The following GRIN2D variants were observed in gnomAD, a reference collection of about 807,000 sequenced individuals.
GRIN2D encodes the protein glutamate ionotropic receptor NMDA type subunit 2D, also known as glutamate receptor ionotropic, NMDA 2D.
Under a neutral mutation model 103.2 loss-of-function variants are expected in GRIN2D, and 37 were observed. The observed-to-expected ratio is 0.36, with a 90% CI of 0.28 to 0.47. The LOEUF (loss-of-function observed/expected upper bound fraction) is 0.47. GRIN2D is among the 20% of genes least tolerant of loss of function. The pLI is 1.00. For missense variants in GRIN2D, 1,557 were observed against 1,910.6 expected, an observed-to-expected ratio of 0.81 and a Z score of 3.45; for synonymous variants, 845 against 885.6, an observed-to-expected ratio of 0.95 and a Z score of 0.81.
In GRIN2D at chr19:48,421,156, C is replaced by G. The variant is rs528448259; in HGVS notation, c.2092-629C>G. ...AAAACTTGTTTTAGTTGTCTGGGCG[C>G]GGTGGCTTATGCCTGTAATCCCAGC... On this transcript the variant is annotated intron_variant, in intron 10 of 13. Coordinates refer to ENST00000263269, the MANE Select transcript of GRIN2D (RefSeq NM_000836.4). The surrounding 1 kb of genome is among the most constrained non-coding windows in gnomAD (Gnocchi z 4.8). 6.6e-6 allele frequency among the ~76,000 whole-genome samples: 1 copy of G among 152,128 alleles called. No individual in the cohort carries two copies. Among genetic ancestry groups the G allele is most frequent in the African/African-American group, 2.4e-5 (1 of 41,412 alleles).
chr19:48,402,144 G>GAAAT lies in GRIN2D; in HGVS notation c.466-2587_466-2586insTAAA, dbSNP rs967259904. The stretch of plus-strand genomic sequence containing the variant: ...AGAAAGAAAGAAAGAAAGAAAGAAA[G>GAAAT]AAAGAAAGAAAGAAAGAAAGAAAGA... On this transcript the variant is annotated intron_variant, in intron 3 of 13. Transcript: ENST00000263269. Among the ~76,000 whole-genome samples, 5 of 148,928 alleles carry GAAAT rather than the reference G, an allele frequency of 3.4e-5. No homozygotes were observed. In the East Asian group the frequency reaches 9.8e-4, roughly 29 times the overall value.
chr19:48,414,533 C>T lies in GRIN2D; in HGVS notation c.1361C>T (p.Thr454Ile), dbSNP rs1201484816. Reference sequence around the variant, plus strand: ...GAGCCTGCAGACCCTATCAGCGGCACCTGCATCCGAGACTCCGTCCCCTGC... The same window carrying T: ...GAGCCTGCAGACCCTATCAGCGGCATCTGCATCCGAGACTCCGTCCCCTGC... ...IVEPADPISGTCIRDSVPCRS... is the reference protein window; with the variant it reads ...IVEPADPISGICIRDSVPCRS... The change falls in exon 6 of 14, where the codon ACC (threonine) becomes ATC (isoleucine). Residue 454 changes from threonine to isoleucine, a missense_variant. By Grantham distance (89) the Thr-to-Ile change is moderately conservative (BLOSUM62 -1). Around this residue, in one of 7 missense-constraint regions of GRIN2D, gnomAD observed 197 missense variants for 334.1 expected, o/e 0.59. Coordinates refer to ENST00000263269, the MANE Select transcript of GRIN2D (RefSeq NM_000836.4). The surrounding 1 kb of genome is among the most constrained non-coding windows in gnomAD (Gnocchi z 4.6). 1 of 1,558,818 alleles carries T rather than the reference C, an allele frequency of 6.4e-7. No individual in the cohort carries two copies. The highest frequency in any genetic ancestry group is 2.4e-5 in the East Asian group (1 of 41,508).
chr19:48,438,191 C>T (rs1971252818), intron 11 of GRIN2D, among the ~76,000 whole-genome samples: 1 of 149,200 alleles, frequency 6.7e-6, no homozygotes, highest in South Asian at 2.2e-4. Flanking sequence ...CATAGGAGGA[C>T]TTAAATCAAC....
chr19:48,412,316 G>A (rs193181354), intron 4 of GRIN2D, among the ~76,000 whole-genome samples: 30 of 148,302 alleles, frequency 2.0e-4, no homozygotes, highest in African/African-American at 5.0e-4. Flanking sequence ...GCGACAGAGC[G>A]AGACTCTGTC....
chr19:48,409,274 CTTTTTTTTTTT>C (rs67673123), intron 4 of GRIN2D, among the ~76,000 whole-genome samples: 6 of 103,724 alleles, frequency 5.8e-5, no homozygotes, highest in African/African-American at 2.1e-4. Flanking sequence ...AATTAAATTT[CTTTTTTTTTTT>C]TTTTTTTTTT....
rs761726968 is a variant in GRIN2D at position 48,415,009 on chromosome 19, G to T, written c.1558G>T (p.Val520Phe). 1.3e-6 allele frequency: 2 copies of T among 1,599,226 alleles called. No individual in the cohort carries two copies. Among genetic ancestry groups the T allele is most frequent in the South Asian group, 1.1e-5 (1 of 90,176 alleles). The part of the protein sequence containing the change: ...NGKHGKKIDG[V>F]WNGMIGEVFY... ...CAAGCACGGAAAGAAGATCGATGGC[G>T]TCTGGAACGGCATGATCGGGGAGGT... Residue 520 changes from valine to phenylalanine, a missense_variant, in exon 7 of 14, where the codon GTC becomes TTC. By Grantham distance (50) the Val-to-Phe change is conservative. Coordinates refer to ENST00000263269, the MANE Select transcript of GRIN2D (RefSeq NM_000836.4).
chr19:48,398,509 T>TGGGCCCGGC lies in GRIN2D; in HGVS notation c.120_128dup (p.Pro41_Gly43dup). 9.9e-7 allele frequency: 1 copy of TGGGCCCGGC among 1,010,612 alleles called. No homozygotes were observed. The highest frequency in any genetic ancestry group is 1.2e-6 in the Non-Finnish European group (1 of 849,052). The allele number at this position is 1,010,612 out of a possible 1,614,324, so 62.6% of individuals were successfully genotyped here. A position where few individuals can be genotyped will look rare whatever the true frequency, so the allele number is the denominator to read the frequency against. ...AGGCGCCGGGGCCGGGCGGGGCCGG[T>TGGGCCCGGC]GGGCCCGGCGGCGGCCTCGGCGGGG... On this transcript the variant is annotated inframe_insertion, in exon 3 of 14. Coordinates refer to ENST00000263269, the MANE Select transcript of GRIN2D (RefSeq NM_000836.4).
At position 48,442,145 on chromosome 19, in the gene GRIN2D, C is replaced by T. The variant is rs762389874; in HGVS notation, c.2441-5C>T. ...AGCAGGTGACTTTTGACCGCCCCTC[C>T]CTAGATGAGATCGAGATGCTGGAGC... On this transcript the variant is annotated splice_region_variant and splice_polypyrimidine_tract_variant and intron_variant, in intron 12 of 13. Coordinates refer to ENST00000263269, the MANE Select transcript of GRIN2D (RefSeq NM_000836.4). This position sits in a 1 kb window ranked among gnomAD's most constrained non-coding sequence, Gnocchi z 7.2. 2.2e-5 allele frequency: 35 copies of T among 1,613,638 alleles called. No homozygotes were observed. The highest frequency in any genetic ancestry group is 3.0e-5 in the Non-Finnish European group (35 of 1,179,720).
At chr19:48,440,464 G>A (rs1398258542) in intron 11 of GRIN2D, among the ~76,000 whole-genome samples, 1 of 151,804 alleles carries the variant, frequency 6.6e-6, no homozygotes, top group Admixed American at 6.6e-5. Flanking sequence ...GTGGTGATGT[G>A]TGCCTTTAGT....
chr19:48,421,758 C>A lies in GRIN2D; in HGVS notation c.2092-27C>A. ...GTTAGGGATGTCCCTGCGGAGGGTGCCCTAATCACTCCCCATTCTGCCCCA... is the reference window on the plus strand; with the variant it reads ...GTTAGGGATGTCCCTGCGGAGGGTGACCTAATCACTCCCCATTCTGCCCCA... On this transcript the variant is annotated intron_variant, in intron 10 of 13. Coordinates refer to ENST00000263269, the MANE Select transcript of GRIN2D (RefSeq NM_000836.4). The surrounding 1 kb of genome is among the most constrained non-coding windows in gnomAD (Gnocchi z 4.8). The A allele has an allele frequency of 6.2e-7, 1 of 1,604,846 alleles. No individual in the cohort carries two copies. Among genetic ancestry groups the A allele is most frequent in the Non-Finnish European group, 8.5e-7 (1 of 1,173,676 alleles).
At chr19:48,437,955 C>G (rs748274522) in intron 11 of GRIN2D, among the ~76,000 whole-genome samples, 1 of 152,136 alleles carries the variant, frequency 6.6e-6, no homozygotes, top group Non-Finnish European at 1.5e-5. Flanking sequence ...AATGTCCTCC[C>G]CACGTTTCTG....
intron 3 of GRIN2D, among the ~76,000 whole-genome samples, chr19:48,402,390 G>T (rs1269285216): frequency 6.7e-6 from 1 of 150,344 alleles, no homozygotes; most frequent in African/African-American, 2.4e-5. Flanking sequence ...AGAGAGAGAG[G>T]AAAAAAAAGG....
In GRIN2D at chr19:48,394,568, C is replaced by T. The variant is rs1372869559; in HGVS notation, c.-305-90C>T. Reference sequence around the variant, plus strand: ...GGGCTGAAGCGGCAGAGGGGGGCACCCCGGGTGGGCGGAGGGGGGATCCCC... The same window carrying T: ...GGGCTGAAGCGGCAGAGGGGGGCACTCCGGGTGGGCGGAGGGGGGATCCCC... On this transcript the variant is annotated intron_variant, in intron 1 of 13. Coordinates refer to ENST00000263269, the MANE Select transcript of GRIN2D (RefSeq NM_000836.4). This position sits in a 1 kb window ranked among gnomAD's most constrained non-coding sequence, Gnocchi z 5.1. Among the ~76,000 whole-genome samples, 1 of 149,012 alleles carries T rather than the reference C, an allele frequency of 6.7e-6. No individual in the cohort carries two copies.
Position 48,414,435 on chromosome 19 carries a change from C to T in GRIN2D, c.1263C>T (p.Arg421=). ...LKYPLWSRYG[R]FLQPVDDTQH... ...ACCCGCTGTGGTCCCGCTATGGTCGCTTCCTGCAGCCAGTGGACGACACGC... is the reference window on the plus strand; with the variant it reads ...ACCCGCTGTGGTCCCGCTATGGTCGTTTCCTGCAGCCAGTGGACGACACGC... The change falls in exon 6 of 14, where the codon CGC becomes CGT. Residue 421 remains arginine (R), a synonymous_variant. Coordinates refer to ENST00000263269, the MANE Select transcript of GRIN2D (RefSeq NM_000836.4). The surrounding 1 kb of genome is among the most constrained non-coding windows in gnomAD (Gnocchi z 4.6). 1 of 1,609,788 alleles carries T rather than the reference C, an allele frequency of 6.2e-7. No homozygotes were observed. Among genetic ancestry groups the T allele is most frequent in the Non-Finnish European group, 8.5e-7 (1 of 1,178,202 alleles).
rs1439621275 is a variant in GRIN2D, at chr19:48,398,800, G to A, written c.408G>A (p.Gln136=). The change falls in exon 3 of 14, where the codon CAG becomes CAA. Residue 136 remains glutamine (Q), a synonymous_variant. Coordinates refer to ENST00000263269, the MANE Select transcript of GRIN2D (RefSeq NM_000836.4). Reference sequence around the variant, plus strand: ...CCATCCTCGACTTCCTGTCGGCGCAGACCTCGCTGCCCATCGTGGCCGTGC... The same window carrying A: ...CCATCCTCGACTTCCTGTCGGCGCAAACCTCGCTGCCCATCGTGGCCGTGC... ...VAPILDFLSA[Q]TSLPIVAVHG... 3 of 1,456,820 alleles carry A rather than the reference G, an allele frequency of 2.1e-6. No homozygotes were observed. The highest frequency in any genetic ancestry group is 1.3e-5 in the South Asian group (1 of 76,032). 90.2% of individuals were successfully genotyped at this position (1,456,820 alleles called of 1,614,324 possible).
intron 11 of GRIN2D, among the ~76,000 whole-genome samples, 160 bp from the exon 12 acceptor site, chr19:48,441,609 A>T (rs1971292339): frequency 6.6e-6 from 1 of 152,186 alleles, no homozygotes; most frequent in African/African-American, 2.4e-5. Context: ...CATTTTACTG[A>T]TGTTGAAACT....
Position 48,443,219 on chromosome 19 carries a change from C to A in GRIN2D, c.3293C>A (p.Ala1098Asp). ...GAPAAPPPCR[A>D]APPPCPYLDL... The stretch of plus-strand genomic sequence containing the variant: ...CCGGCCGCTCCGCCCCCGTGCCGCG[C>A]CGCGCCGCCCCCGTGCCCTTACCTC... Residue 1098 changes from alanine (A) to aspartate (D), a missense_variant, in exon 14 of 14, where the codon GCC becomes GAC. Transcript: ENST00000263269. The surrounding 1 kb of genome is among the most constrained non-coding windows in gnomAD (Gnocchi z 8.9). The A allele has an allele frequency of 2.3e-6, 3 of 1,294,816 alleles. No individual in the cohort carries two copies. The highest frequency in any genetic ancestry group is 3.0e-6 in the Non-Finnish European group (3 of 1,006,774). 80.2% of individuals were successfully genotyped at this position (1,294,816 alleles called of 1,614,324 possible). A position where few individuals can be genotyped will look rare whatever the true frequency, so the allele number is the denominator to read the frequency against.
chr19:48,429,823 C>A (rs986405440), intron 11 of GRIN2D, among the ~76,000 whole-genome samples: 3 of 151,158 alleles, frequency 2.0e-5, no homozygotes. Flanking sequence ...CCTCCCAAAG[C>A]ACCAGGATTA....
At chr19:48,396,270 G>C (rs945954953) in intron 2 of GRIN2D, among the ~76,000 whole-genome samples, 1 of 152,068 alleles carries the variant, frequency 6.6e-6, no homozygotes, top group African/African-American at 2.4e-5. Flanking sequence ...TGGAGGACTG[G>C]GGATGCCCCT....
Sources: allele counts gnomAD v4.1 joint callset (sites outside exome capture counted in the v4.1 genomes callset), GRCh38; gene constraint gnomAD v4.1.1; regional missense constraint gnomAD v4.1.1; non-coding constraint Gnocchi (gnomAD v3.1); transcripts MANE v1.5; gene names NCBI Gene and HGNC (gene_info 2026-07-23, HGNC 2026-07-21).